ATP8A2: variants seen among roughly 807,000 people sequenced by gnomAD.
ATP8A2 encodes phospholipid-transporting ATPase IB.
In ATP8A2, 100 loss-of-function variants were observed where a neutral mutation model predicts 165.6. That is an observed-to-expected ratio of 0.60 (90% CI 0.51 to 0.71). The LOEUF (loss-of-function observed/expected upper bound fraction) is 0.71, where lower values mean the gene tolerates loss of function less well. Ranked by LOEUF, ATP8A2 falls within the 30% of genes least tolerant of loss-of-function variation. The pLI, the probability that ATP8A2 is intolerant of heterozygous loss-of-function variation, is 0.00. For synonymous variants in ATP8A2, 543 were observed against 548.8 expected (o/e 0.99, Z 0.15); for missense variants, 1,227 against 1,479.5 (o/e 0.83, Z 2.80).
Position 25,537,977 on chromosome 13 carries a change from T to C in ATP8A2, c.508-11T>C. 6.2e-7 allele frequency: 1 copy of C among 1,608,000 alleles called. No individual in the cohort carries two copies. Among genetic ancestry groups the C allele is most frequent in the Non-Finnish European group, 8.5e-7 (1 of 1,174,528 alleles). On this transcript the variant is annotated splice_polypyrimidine_tract_variant and intron_variant, in intron 6 of 36. Coordinates refer to ENST00000381655, the MANE Select transcript of ATP8A2 (RefSeq NM_016529.6). The stretch of plus-strand genomic sequence containing the variant: ...TTTCGTGCCCCTCTGTCCTCATCCC[T>C]GTCTCTCTAGGTGGCAGTGGGAGAC...
At chr13:25,698,594 T>A (rs2042884691) in intron 24 of ATP8A2, among the ~76,000 whole-genome samples, 1 of 152,102 alleles carries the variant, frequency 6.6e-6, no homozygotes, top group Non-Finnish European at 1.5e-5. Flanking sequence ...TAATGGACAT[T>A]ACACCAAGAT....
At chr13:25,652,001 A>G (rs1186252842) in intron 24 of ATP8A2, among the ~76,000 whole-genome samples, 6 of 152,296 alleles carry the variant, frequency 3.9e-5, no homozygotes, top group African/African-American at 9.6e-5. Context: ...TAATCAAACT[A>G]TGTCTCTGAT....
At chr13:25,960,362 C>A (rs1955631643) in intron 33 of ATP8A2, among the ~76,000 whole-genome samples, 1 of 152,170 alleles carries the variant, frequency 6.6e-6, no homozygotes, top group Non-Finnish European at 1.5e-5. Flanking sequence ...TACTCCAGGC[C>A]TCCAGGAGTC....
Position 25,580,032 on chromosome 13 carries a change from C to T in ATP8A2, c.2007+85C>T, listed in dbSNP as rs2039730799. On this transcript the variant is annotated intron_variant, in intron 22 of 36. Coordinates refer to ENST00000381655, the MANE Select transcript of ATP8A2 (RefSeq NM_016529.6). ...AAGTATTTGAACAGGAATCCTTTTACTATGTAGGGATGTTCTCTTTTCTTG... is the reference window on the plus strand; with the variant it reads ...AAGTATTTGAACAGGAATCCTTTTATTATGTAGGGATGTTCTCTTTTCTTG... 4.1e-6 allele frequency: 6 copies of T among 1,476,568 alleles called. 1 individual carries two copies. The East Asian group carries it at 1.4e-4, about 34-fold the overall frequency. The allele number at this position is 1,476,568 out of a possible 1,614,324, so 91.5% of individuals were successfully genotyped here.
At chr13:25,630,226 C>T (rs906570275) in intron 24 of ATP8A2, among the ~76,000 whole-genome samples, 7 of 152,028 alleles carry the variant, frequency 4.6e-5, no homozygotes, top group Non-Finnish European at 7.4e-5. Flanking sequence ...AAGTTTGTGG[C>T]CTTGAAGTGA....
At chr13:25,382,183 A>G (rs545588290) in intron 1 of ATP8A2, among the ~76,000 whole-genome samples, 47 of 152,358 alleles carry the variant, frequency 3.1e-4, no homozygotes, top group Non-Finnish European at 5.3e-4. Context: ...TTAGCATCAT[A>G]TAGCATGAAG....
chr13:25,547,167 CAAAT>C (rs1463659383), intron 10 of ATP8A2, among the ~76,000 whole-genome samples: 1 of 151,284 alleles, frequency 6.6e-6, no homozygotes, highest in African/African-American at 2.4e-5. Flanking sequence ...AAAAAATAAA[CAAAT>C]AAAATAAACA....
In ATP8A2 at chr13:25,670,477, C is replaced by T. The variant is rs188125466; in HGVS notation, c.2212-28696C>T. 6.4e-3 allele frequency among the ~76,000 whole-genome samples: 979 copies of T among 152,156 alleles called. 8 individuals carry two copies. Among genetic ancestry groups the T allele is most frequent in the Non-Finnish European group, 9.6e-3 (653 of 68,010 alleles). ...CTCTCTGAATTTCCTGGCACAATGC[C>T]CTGCTGTCTTAAATGTTTACTAATA... On this transcript the variant is annotated intron_variant, in intron 24 of 36. Transcript: ENST00000381655.
intron 24 of ATP8A2, among the ~76,000 whole-genome samples, chr13:25,666,509 G>T (rs961229826): frequency 1.3e-5 from 2 of 152,070 alleles, no homozygotes; most frequent in African/African-American, 4.8e-5. Flanking sequence ...CAAAGTGCTG[G>T]GATAACAGGC....
chr13:25,953,344 G>T lies in ATP8A2; in HGVS notation c.3184-8231G>T, dbSNP rs1345104421. Among the ~76,000 whole-genome samples, 6 of 151,756 alleles carry T rather than the reference G, an allele frequency of 4.0e-5. No individual in the cohort carries two copies. The highest frequency in any genetic ancestry group is 3.9e-4 in the Admixed American group (6 of 15,242). ...TTCTTCTGTAAAATGGGGACGGGGG[G>T]GATTAAATAAAATGCTTTATGGGAA... On this transcript the variant is annotated intron_variant, in intron 33 of 36. Coordinates refer to ENST00000381655, the MANE Select transcript of ATP8A2 (RefSeq NM_016529.6). This position sits in a 1 kb window ranked among gnomAD's most constrained non-coding sequence, Gnocchi z 6.7.
At chr13:25,804,944 A>G (rs1051458419) in intron 27 of ATP8A2, among the ~76,000 whole-genome samples, 1 of 152,194 alleles carries the variant, frequency 6.6e-6, no homozygotes, top group African/African-American at 2.4e-5. Flanking sequence ...GCATTGTTTA[A>G]TAGTTTTAAA....
At chr13:25,536,551 C>T (rs1361411691) in intron 6 of ATP8A2, among the ~76,000 whole-genome samples, 1 of 152,140 alleles carries the variant, frequency 6.6e-6, no homozygotes, top group Non-Finnish European at 1.5e-5. Flanking sequence ...AATAGGATAC[C>T]TTTCAGTAAA....
intron 33 of ATP8A2, among the ~76,000 whole-genome samples, chr13:25,942,182 A>G (rs1955089090): frequency 6.6e-6 from 1 of 152,112 alleles, no homozygotes; most frequent in Non-Finnish European, 1.5e-5. Context: ...AAATTTGCCA[A>G]ATTTTTTTTA....
intron 33 of ATP8A2, among the ~76,000 whole-genome samples, chr13:25,951,281 C>T (rs182598552): frequency 1.7e-4 from 26 of 152,300 alleles, no homozygotes; most frequent in Admixed American, 1.6e-3. Context: ...GTGATCTATT[C>T]GTGCAATGGA....
At position 26,024,142 on chromosome 13, in the gene ATP8A2, T is replaced by C. The variant is rs1229183721; in HGVS notation, c.*4157T>C. The C allele has an allele frequency of 6.6e-6, 1 of 152,132 alleles. No homozygotes were observed. Among genetic ancestry groups the C allele is most frequent in the African/African-American group, 2.4e-5 (1 of 41,426 alleles). 9.4% of individuals were successfully genotyped at this position (152,132 alleles called of 1,614,324 possible). ...GCAGTTAACTGTCTCAGTATAGCCTTCGGGGAGATTTAACCTCATTCTAGC... is the reference window on the plus strand; with the variant it reads ...GCAGTTAACTGTCTCAGTATAGCCTCCGGGGAGATTTAACCTCATTCTAGC... On this transcript the variant is annotated 3_prime_UTR_variant, in exon 37 of 37. Transcript: ENST00000381655.
chr13:25,419,555 C>T (rs2034237759), intron 1 of ATP8A2, among the ~76,000 whole-genome samples: 1 of 152,192 alleles, frequency 6.6e-6, no homozygotes, highest in African/African-American at 2.4e-5. Flanking sequence ...CGCACTTACT[C>T]ACTGGGCAGC....
In ATP8A2 at chr13:25,469,116, G is replaced by C. The variant is rs747042311; in HGVS notation, c.216G>C (p.Gln72His). 1.9e-6 allele frequency: 3 copies of C among 1,613,916 alleles called. No homozygotes were observed. The highest frequency in any genetic ancestry group is 3.3e-5 in the Admixed American group (2 of 60,014). Residue 72 changes from glutamine (Q) to histidine (H), a missense_variant, in exon 2 of 37, where the codon CAG becomes CAC. By Grantham distance (24) the Gln-to-His change is conservative. Around this residue, in one of 5 missense-constraint regions of ATP8A2, gnomAD observed 356 missense variants for 394.9 expected, o/e 0.90. Transcript: ENST00000381655. ...ATCTCAACAAATTCCGCGACAACCAGATCAGGTAGGAGAAGGCGGCCGGCT... is the reference window on the plus strand; with the variant it reads ...ATCTCAACAAATTCCGCGACAACCACATCAGGTAGGAGAAGGCGGCCGGCT... ...QPHLNKFRDN[Q>H]ISTAKYSVLT...
At chr13:25,415,167 C>T (rs1056707426) in intron 1 of ATP8A2, among the ~76,000 whole-genome samples, 8 of 152,184 alleles carry the variant, frequency 5.3e-5, no homozygotes, top group South Asian at 2.1e-4. Flanking sequence ...TTCACTGTCA[C>T]GTTTGCCTAT....
intron 24 of ATP8A2, among the ~76,000 whole-genome samples, chr13:25,602,630 A>G (rs1026273569): frequency 1.3e-5 from 2 of 152,220 alleles, no homozygotes; most frequent in East Asian, 3.9e-4. Context: ...GCATTTGAGC[A>G]GTGTGTGGCT....
Sources: allele counts gnomAD v4.1 joint callset (sites outside exome capture counted in the v4.1 genomes callset), GRCh38; gene constraint gnomAD v4.1.1; regional missense constraint gnomAD v4.1.1; non-coding constraint Gnocchi (gnomAD v3.1); transcripts MANE v1.5; gene names NCBI Gene and HGNC (gene_info 2026-07-23, HGNC 2026-07-21).